The following RELN variants were observed in gnomAD, a reference collection of about 807,000 sequenced individuals.
RELN encodes reelin.
A neutral mutation model predicts 427.6 loss-of-function variants in RELN; 108 were observed. The ratio of observed to expected loss-of-function variants is 0.25; its 90% confidence interval spans 0.22 to 0.30. The LOEUF is 0.30. Among genes scored for constraint, RELN ranks in the 10% least tolerant of loss-of-function variants. RELN has a pLI of 1.00. For missense variants in RELN, 3,715 were observed against 4,302.8 expected (o/e 0.86, Z 3.82); for synonymous variants, 1,524 against 1,513.4 (o/e 1.01, Z -0.16).
At chr7:103,919,460 T>C (rs573997260) in intron 1 of RELN, among the ~76,000 whole-genome samples, 33 of 152,234 alleles carry the variant, frequency 2.2e-4, no homozygotes, top group Non-Finnish European at 4.0e-4. Context: ...TCCCCTTTCT[T>C]TCTCTTTCAC....
intron 8 of RELN, among the ~76,000 whole-genome samples, chr7:103,701,570 G>A (rs899222176): frequency 2.0e-5 from 3 of 151,956 alleles, no homozygotes; most frequent in Admixed American, 6.6e-5. Flanking sequence ...TTAAAATATA[G>A]ATTATATCCC....
intron 62 of RELN, among the ~76,000 whole-genome samples, chr7:103,483,218 T>C (rs950794147): frequency 3.9e-5 from 6 of 152,336 alleles, no homozygotes; most frequent in African/African-American, 1.4e-4. Flanking sequence ...ATCCAGAAGA[T>C]ATTTGGTCAA....
chr7:103,550,287 G>A (rs867636893), intron 41 of RELN, among the ~76,000 whole-genome samples: 2 of 152,082 alleles, frequency 1.3e-5, no homozygotes, highest in Non-Finnish European at 2.9e-5. Context: ...TTCTAATTAT[G>A]CTCCATTTCA....
chr7:103,611,550 T>TTG, intron 21 of RELN, 61 bp downstream of exon 21: 2 of 1,334,720 alleles, frequency 1.5e-6, no homozygotes, highest in South Asian at 1.3e-5. Flanking sequence ...TTTTTTTTTT[T>TTG]GGCTTCCTAG....
chr7:103,919,968 T>C (rs900448885), intron 1 of RELN, among the ~76,000 whole-genome samples: 7 of 152,220 alleles, frequency 4.6e-5, no homozygotes, highest in African/African-American at 1.4e-4. Flanking sequence ...ATTTGGCCCA[T>C]TGATGAAGCT....
chr7:103,649,416 C>T (rs1832865690), intron 16 of RELN, among the ~76,000 whole-genome samples: 1 of 151,860 alleles, frequency 6.6e-6, no homozygotes, highest in Non-Finnish European at 1.5e-5. Context: ...ATAACAGGCA[C>T]TGGAGACTCA....
intron 46 of RELN, among the ~76,000 whole-genome samples, chr7:103,533,832 T>C (rs1270725866): frequency 6.6e-6 from 1 of 152,218 alleles, no homozygotes; most frequent in Non-Finnish European, 1.5e-5. Context: ...ATTTGCAAAA[T>C]GTGACTGAGT....
intron 12 of RELN, among the ~76,000 whole-genome samples, chr7:103,659,602 C>T (rs1417233443): frequency 1.3e-5 from 2 of 152,126 alleles, no homozygotes; most frequent in Non-Finnish European, 1.5e-5. Context: ...CCATCTCCTT[C>T]ATGAAGCTTT....
intron 3 of RELN, among the ~76,000 whole-genome samples, chr7:103,804,649 A>G (rs940360741): frequency 1.3e-5 from 2 of 152,226 alleles, no homozygotes; most frequent in Non-Finnish European, 2.9e-5. Flanking sequence ...GGAATAAGAA[A>G]CAAGATCTTT....
intron 4 of RELN, among the ~76,000 whole-genome samples, chr7:103,765,348 C>T (rs528376524): frequency 1.3e-5 from 2 of 152,220 alleles, no homozygotes; most frequent in East Asian, 3.9e-4. Context: ...CATTAGTAAA[C>T]CTGTACTATA....
intron 3 of RELN, among the ~76,000 whole-genome samples, chr7:103,818,991 C>T (rs1157246970): frequency 3.9e-5 from 6 of 151,962 alleles, no homozygotes; most frequent in African/African-American, 7.2e-5. Context: ...AAATTCAACA[C>T]ACACATATAT....
chr7:103,766,141 G>A (rs1031259387), intron 4 of RELN, among the ~76,000 whole-genome samples: 2 of 152,132 alleles, frequency 1.3e-5, no homozygotes, highest in African/African-American at 4.8e-5. Flanking sequence ...AAGCAAGATC[G>A]GGGGTTCCTG....
chr7:103,490,040 G>A (rs1828595788), intron 59 of RELN, 141 bp from the exon 60 acceptor site: 2 of 941,002 alleles, frequency 2.1e-6, no homozygotes, highest in African/African-American at 1.6e-5. Context: ...TGCTGGCAGA[G>A]GTGAGAGAAC....
intron 2 of RELN, among the ~76,000 whole-genome samples, chr7:103,914,013 T>G (rs1456234620): frequency 6.6e-6 from 1 of 152,208 alleles, no homozygotes; most frequent in Non-Finnish European, 1.5e-5. Context: ...TTTGGACCAT[T>G]AAACCAATGA....
intron 46 of RELN, among the ~76,000 whole-genome samples, chr7:103,526,966 T>C (rs1829835867): frequency 6.6e-6 from 1 of 152,218 alleles, no homozygotes; most frequent in Admixed American, 6.5e-5. Flanking sequence ...CTCTTGGTTC[T>C]TTTGTGGAGT....
At chr7:103,719,775 A>G (rs117446694) in intron 8 of RELN, among the ~76,000 whole-genome samples, 7,653 of 152,312 alleles carry the variant, frequency 0.05, 228 homozygotes, top group Middle Eastern at 0.085. Context: ...CCCTAAGGCT[A>G]CTACCATAAA....
intron 17 of RELN, among the ~76,000 whole-genome samples, chr7:103,639,384 T>C (rs540376962): frequency 6.6e-6 from 1 of 151,494 alleles, no homozygotes; most frequent in Admixed American, 6.6e-5. Context: ...ATGCAATTTC[T>C]TTTTTTTCTT....
intron 1 of RELN, among the ~76,000 whole-genome samples, chr7:103,929,080 C>T (rs1034411664): frequency 6.6e-6 from 1 of 152,168 alleles, no homozygotes; most frequent in Non-Finnish European, 1.5e-5. Context: ...GTGCAACCTG[C>T]TCTTTTCTGA....
intron 1 of RELN, among the ~76,000 whole-genome samples, chr7:103,962,648 G>GT (rs1210311610): frequency 7.8e-4 from 12 of 15,460 alleles, no homozygotes; most frequent in East Asian, 2.4e-3. Context: ...CAAAGTTGTT[G>GT]TGTGTGTGTG....
Sources: gnomAD v4.1 joint callset for allele counts (sites outside exome capture counted in the v4.1 genomes callset) on GRCh38, gnomAD v4.1.1 for gene constraint, MANE v1.5 for transcripts, NCBI Gene and HGNC (gene_info 2026-07-23, HGNC 2026-07-21) for gene names.